Variants in PSPC1 observed in about 807,000 individuals in gnomAD.
PSPC1 encodes the protein paraspeckle protein 1.
In PSPC1, 14 loss-of-function variants were observed where a neutral mutation model predicts 51.6. The observed-to-expected ratio is 0.27, with a 90% CI of 0.18 to 0.42. PSPC1 has a LOEUF of 0.42. PSPC1 is among the 10% of genes least tolerant of loss of function. PSPC1 has a pLI of 1.00. For synonymous variants in PSPC1, 193 were observed against 231.9 expected, an observed-to-expected ratio of 0.83 and a Z score of 1.53; for missense variants, 406 against 701.1, an observed-to-expected ratio of 0.58 and a Z score of 4.75.
At chr13:19,776,425 C>A in intron 1 of PSPC1, among the ~76,000 whole-genome samples, 1 of 152,122 alleles carries the variant, frequency 6.6e-6, no homozygotes, top group East Asian at 1.9e-4. Context: ...ATGATCATGC[C>A]ACTGCACTCT....
chr13:19,749,816 A>C (rs1189899677), intron 4 of PSPC1, among the ~76,000 whole-genome samples: 1 of 151,914 alleles, frequency 6.6e-6, no homozygotes, highest in Admixed American at 6.6e-5. Context: ...TTACCTTTAA[A>C]TCTACTCTAA....
chr13:19,734,883 C>T (rs1484014538), intron 5 of PSPC1, among the ~76,000 whole-genome samples: 2 of 151,736 alleles, frequency 1.3e-5, no homozygotes, highest in Non-Finnish European at 2.9e-5. Context: ...GAGGCCGAGG[C>T]AGGAGAATCA....
At chr13:19,749,319 G>A (rs1408433642) in intron 4 of PSPC1, among the ~76,000 whole-genome samples, 3 of 152,074 alleles carry the variant, frequency 2.0e-5, no homozygotes, top group Non-Finnish European at 4.4e-5. Context: ...ATGCACTCCA[G>A]CCTGGGCGAC....
At chr13:19,762,630 G>A (rs554248416) in intron 2 of PSPC1, among the ~76,000 whole-genome samples, 14 of 152,282 alleles carry the variant, frequency 9.2e-5, no homozygotes, top group African/African-American at 3.4e-4. Flanking sequence ...ACATGGGTAC[G>A]TATTGTGTAC....
chr13:19,770,765 G>A (rs1319072942), intron 2 of PSPC1, among the ~76,000 whole-genome samples: 1 of 151,964 alleles, frequency 6.6e-6, no homozygotes, highest in African/African-American at 2.4e-5. Flanking sequence ...CAGGCATGGT[G>A]GTGCACACCT....
chr13:19,767,950 G>A (rs1282222063), intron 2 of PSPC1, among the ~76,000 whole-genome samples: 12 of 152,104 alleles, frequency 7.9e-5, no homozygotes, highest in Admixed American at 7.9e-4. Flanking sequence ...AGATGCAATG[G>A]CTCACACCTG....
At chr13:19,698,788 A>C (rs1879550473), downstream of PSPC1, among the ~76,000 whole-genome samples, 1 of 151,968 alleles carries the variant, frequency 6.6e-6, no homozygotes, top group African/African-American at 2.4e-5. Flanking sequence ...TGAAGCCATA[A>C]AATTTTCTTG....
At chr13:19,730,493 T>G in intron 5 of PSPC1, 149 bp from the exon 6 acceptor site, 1 of 661,786 alleles carries the variant, frequency 1.5e-6, no homozygotes, top group Non-Finnish European at 2.6e-6. Context: ...TTTACCTTCC[T>G]TCTATGTCAC....
intron 4 of PSPC1, among the ~76,000 whole-genome samples, chr13:19,749,248 G>T (rs1249336214): frequency 1.3e-5 from 2 of 152,000 alleles, no homozygotes; most frequent in East Asian, 1.9e-4. Flanking sequence ...CTTAGGAGGC[G>T]GAGGCAGGAG....
chr13:19,756,536 G>C (rs1258460943), intron 3 of PSPC1, among the ~76,000 whole-genome samples: 3 of 151,716 alleles, frequency 2.0e-5, no homozygotes, highest in African/African-American at 7.3e-5. Context: ...GAGTCTCACT[G>C]TCATCCAGGC....
chr13:19,713,975 G>A (rs1344144154), intron 6 of PSPC1, among the ~76,000 whole-genome samples: 1 of 152,198 alleles, frequency 6.6e-6, no homozygotes, highest in Non-Finnish European at 1.5e-5. Context: ...CAGCACTATA[G>A]CACAAGCCAA....
intron 7 of PSPC1, among the ~76,000 whole-genome samples, chr13:19,676,750 TAGAAA>T (rs1271196196): frequency 6.6e-6 from 1 of 152,176 alleles, no homozygotes; most frequent in Non-Finnish European, 1.5e-5. Context: ...AGACAAAAGC[TAGAAA>T]AGACATACAC....
intron 6 of PSPC1, among the ~76,000 whole-genome samples, chr13:19,715,511 C>T (rs537126437): frequency 2.0e-5 from 3 of 152,174 alleles, no homozygotes; most frequent in African/African-American, 4.8e-5. Flanking sequence ...AACACCAACA[C>T]GATGCCCAAA....
chr13:19,706,446 T>A (rs1296877156), intron 7 of PSPC1, among the ~76,000 whole-genome samples: 1 of 152,070 alleles, frequency 6.6e-6, no homozygotes, highest in African/African-American at 2.4e-5. Context: ...TTGAAATGAC[T>A]TATAAGAAAA....
At chr13:19,752,389 A>C (rs1191116036) in intron 3 of PSPC1, among the ~76,000 whole-genome samples, 1 of 152,104 alleles carries the variant, frequency 6.6e-6, no homozygotes, top group African/African-American at 2.4e-5. Flanking sequence ...AGGGCTATGA[A>C]TATATTTGAA....
chr13:19,700,631 G>A (rs1237468252), downstream of PSPC1, among the ~76,000 whole-genome samples: 1 of 151,942 alleles, frequency 6.6e-6, no homozygotes, highest in Non-Finnish European at 1.5e-5. Context: ...TAGGAAAACA[G>A]GTGTTCCTTT....
At chr13:19,742,823 T>C (rs1359348494) in intron 4 of PSPC1, among the ~76,000 whole-genome samples, 5 of 152,090 alleles carry the variant, frequency 3.3e-5, no homozygotes, top group African/African-American at 1.2e-4. Flanking sequence ...AGAGAGCACT[T>C]AAGAACCAGA....
At chr13:19,722,151 G>A (rs1882845844) in intron 6 of PSPC1, among the ~76,000 whole-genome samples, 1 of 152,056 alleles carries the variant, frequency 6.6e-6, no homozygotes, top group Non-Finnish European at 1.5e-5. Context: ...AGACAACAAA[G>A]TCAGAAAAAA....
In PSPC1 at chr13:19,730,363, A is replaced by C. The variant is rs1486348310; in HGVS notation, c.1053-19T>G. 1 of 1,609,550 alleles carries C rather than the reference A, an allele frequency of 6.2e-7. No homozygotes were observed. The highest frequency in any genetic ancestry group is 1.1e-5 in the South Asian group (1 of 90,858). On this transcript the variant is annotated intron_variant, in intron 5 of 8. Transcript: ENST00000338910. ...TTCATGTCTGAAAATTTTTCAAATAAAAATTTCAGCATCATAACATGTGGG... is the reference window on the plus strand; with the variant it reads ...TTCATGTCTGAAAATTTTTCAAATACAAATTTCAGCATCATAACATGTGGG...
Sources: allele counts gnomAD v4.1 joint callset (sites outside exome capture counted in the v4.1 genomes callset), GRCh38; gene constraint gnomAD v4.1.1; transcripts MANE v1.5; gene names NCBI Gene and HGNC (gene_info 2026-07-23, HGNC 2026-07-21).